The following AP4E1 variants were observed in gnomAD, a reference collection of about 807,000 sequenced individuals.
The protein encoded by AP4E1 is adaptor related protein complex 4 subunit epsilon 1.
A neutral mutation model predicts 128.2 loss-of-function variants in AP4E1; 56 were observed. The observed-to-expected ratio is 0.44, with a 90% CI of 0.35 to 0.55. The LOEUF is 0.55. Among genes scored for constraint, AP4E1 ranks in the 20% least tolerant of loss-of-function variants. AP4E1 has a pLI of 0.00. For synonymous variants in AP4E1, 484 were observed against 473.1 expected, an observed-to-expected ratio of 1.02 and a Z score of -0.30; for missense variants, 1,324 against 1,307.7, an observed-to-expected ratio of 1.01 and a Z score of -0.19.
chr15:50,915,089 G>T (rs1394760329), intron 2 of AP4E1, among the ~76,000 whole-genome samples: 2 of 152,114 alleles, frequency 1.3e-5, no homozygotes, highest in African/African-American at 4.8e-5. Flanking sequence ...AAAATTATGT[G>T]CTGTATTTTA....
At chr15:50,948,988 A>T (rs1371411246) in intron 11 of AP4E1, among the ~76,000 whole-genome samples, 5 of 151,662 alleles carry the variant, frequency 3.3e-5, no homozygotes, top group Non-Finnish European at 7.4e-5. Context: ...AAAAAAAAAA[A>T]GTTACTGTTT....
chr15:50,981,810 A>G (rs959418604), intron 15 of AP4E1, among the ~76,000 whole-genome samples: 2 of 152,054 alleles, frequency 1.3e-5, no homozygotes, highest in African/African-American at 4.8e-5. Context: ...TTCGGGCCAG[A>G]TGCAGTGGCT....
intron 15 of AP4E1, among the ~76,000 whole-genome samples, chr15:50,974,219 G>GCTT (rs1444454971): frequency 2.6e-5 from 4 of 151,202 alleles, no homozygotes; most frequent in African/African-American, 9.7e-5. Flanking sequence ...ACCTGTCTTG[G>GCTT]CTTCCCAAAG....
At chr15:50,925,785 A>C (rs2063762116) in intron 5 of AP4E1, among the ~76,000 whole-genome samples, 1 of 144,568 alleles carries the variant, frequency 6.9e-6, no homozygotes. Context: ...GCCTGCCACC[A>C]TGCCCGACTA....
intron 14 of AP4E1, among the ~76,000 whole-genome samples, chr15:50,966,772 G>T (rs544645473): frequency 6.6e-6 from 1 of 151,918 alleles, no homozygotes; most frequent in Admixed American, 6.6e-5. Flanking sequence ...CCTGACCTCA[G>T]GTGATCCACC....
At position 50,958,641 on chromosome 15, in the gene AP4E1, C is replaced by T. The variant is rs754889539; in HGVS notation, c.1698C>T (p.His566=). 1 of 1,614,166 alleles carries T rather than the reference C, an allele frequency of 6.2e-7. No individual in the cohort carries two copies. The highest frequency in any genetic ancestry group is 1.7e-5 in the Admixed American group (1 of 60,032). The change falls in exon 14 of 21, where the codon CAC becomes CAT. Residue 566 remains histidine, a synonymous_variant. Transcript: ENST00000261842. ...TGACCAAATTGACATCTCAGGCGCA[C>T]TCTTCTAATACAGTTGAGAGATTAA... The part of the protein sequence containing the change: ...AAVTKLTSQA[H]SSNTVERLIH...
Position 50,915,475 on chromosome 15 carries a change from CTT to C in AP4E1, c.251_252del (p.Leu84HisfsTer4), listed in dbSNP as rs1157771537. 6.2e-7 allele frequency: 1 copy of C among 1,613,166 alleles called. No individual in the cohort carries two copies. Among genetic ancestry groups the C allele is most frequent in the Non-Finnish European group, 8.5e-7 (1 of 1,179,510 alleles). ...LKMMKECMVR[L>X]IYCEMLGYDA... The stretch of plus-strand genomic sequence containing the variant: ...AATGATGAAGGAATGTATGGTGAGA[CTT>C]ATATATTGTGAAATGCTTGGATATG... On this transcript the variant is annotated frameshift_variant, in exon 3 of 21. Transcript: ENST00000261842. LOFTEE classifies it high-confidence loss of function.
chr15:50,962,991 CAAA>C (rs763837140), intron 14 of AP4E1, among the ~76,000 whole-genome samples: 1 of 132,614 alleles, frequency 7.5e-6, no homozygotes, highest in Non-Finnish European at 1.6e-5. Context: ...AACAGGTAAA[CAAA>C]AAAATGCTCA....
At position 50,950,060 on chromosome 15, in the gene AP4E1, A is replaced by G; in HGVS notation, c.1439A>G (p.Asp480Gly). The change falls in exon 13 of 21, where the codon GAT (aspartate) becomes GGT (glycine). Residue 480 changes from aspartate to glycine, a missense_variant. Coordinates refer to ENST00000261842, the MANE Select transcript of AP4E1 (RefSeq NM_007347.5). ...FLRLLAEGFDDETEDQQLRLY... is the reference protein window; with the variant it reads ...FLRLLAEGFDGETEDQQLRLY... ...ATCAATTTCTTTGTAGGTTTTGATG[A>G]TGAAACAGAAGATCAGCAATTAAGA... The G allele has an allele frequency of 6.2e-7, 1 of 1,612,542 alleles. No homozygotes were observed. The highest frequency in any genetic ancestry group is 1.1e-5 in the South Asian group (1 of 91,052).
At chr15:50,985,251 C>T (rs2064704172) in intron 16 of AP4E1, among the ~76,000 whole-genome samples, 1 of 152,086 alleles carries the variant, frequency 6.6e-6, no homozygotes, top group Non-Finnish European at 1.5e-5. Context: ...TTTTCCCATT[C>T]TGTAGGTTGC....
At chr15:50,928,714 G>GT (rs10588492) in intron 5 of AP4E1, among the ~76,000 whole-genome samples, 134 of 139,638 alleles carry the variant, frequency 9.6e-4, no homozygotes, top group East Asian at 8.5e-3. Flanking sequence ...TGTTTTTCAT[G>GT]TTTTTTTTTT....
intron 14 of AP4E1, among the ~76,000 whole-genome samples, chr15:50,964,987 ACACACT>A (rs1310591448): frequency 6.6e-6 from 1 of 150,716 alleles, no homozygotes; most frequent in African/African-American, 2.4e-5. Context: ...ACACACACAC[ACACACT>A]GGACTTTCCC....
intron 2 of AP4E1, among the ~76,000 whole-genome samples, chr15:50,912,812 G>A (rs916690769): frequency 2.0e-5 from 3 of 152,022 alleles, no homozygotes; most frequent in African/African-American, 4.8e-5. Flanking sequence ...ACAGGTGCCC[G>A]CCACCATGCC....
chr15:50,966,187 G>A (rs1315633572), intron 14 of AP4E1, among the ~76,000 whole-genome samples: 1 of 152,106 alleles, frequency 6.6e-6, no homozygotes, highest in Admixed American at 6.5e-5. Flanking sequence ...CCAAAGTGCT[G>A]GGATTACAGA....
chr15:50,908,900 G>A lies in AP4E1; in HGVS notation c.122G>A (p.Arg41His). 1 of 1,610,730 alleles carries A rather than the reference G, an allele frequency of 6.2e-7. No individual in the cohort carries two copies. Among genetic ancestry groups the A allele is most frequent in the Non-Finnish European group, 8.5e-7 (1 of 1,179,390 alleles). The change falls in exon 1 of 21, where the codon CGC (arginine) becomes CAC (histidine). Residue 41 changes from arginine to histidine, a missense_variant. Coordinates refer to ENST00000261842, the MANE Select transcript of AP4E1 (RefSeq NM_007347.5). ...TCCTCGAGGCTGGGCAGCCTTGTCC[G>A]CGGCATCACAGCCCTCACCTCCAAG... ...SFSSRLGSLV[R>H]GITALTSKHE...
intron 13 of AP4E1, 148 bp from the exon 14 acceptor site, chr15:50,958,343 CA>C: frequency 1.5e-6 from 1 of 659,020 alleles, no homozygotes; most frequent in Non-Finnish European, 2.5e-6. Context: ...CTAAAATATA[CA>C]GTTGTATCTT....
intron 16 of AP4E1, among the ~76,000 whole-genome samples, chr15:50,992,509 G>C (rs1050993828): frequency 6.6e-6 from 1 of 152,104 alleles, no homozygotes; most frequent in Admixed American, 6.6e-5. Context: ...ATTTTAGCCC[G>C]CACTTATTAG....
chr15:51,000,949 A>T, intron 19 of AP4E1, 77 bp from the exon 20 acceptor site: 1 of 1,140,728 alleles, frequency 8.8e-7, no homozygotes, highest in Non-Finnish European at 1.3e-6. Context: ...TTTTATTCTC[A>T]TGAGGCATTT....
chr15:50,933,169 A>G (rs1029132324), intron 7 of AP4E1, among the ~76,000 whole-genome samples: 4 of 152,172 alleles, frequency 2.6e-5, no homozygotes, highest in Admixed American at 2.0e-4. Flanking sequence ...GTGACCAGTA[A>G]TTAGGCTCAG....
Sources: allele counts gnomAD v4.1 joint callset (sites outside exome capture counted in the v4.1 genomes callset), GRCh38; gene constraint gnomAD v4.1.1; transcripts MANE v1.5; gene names NCBI Gene and HGNC (gene_info 2026-07-23, HGNC 2026-07-21).